ZCCHC17: variants seen among roughly 807,000 people sequenced by gnomAD.
The protein encoded by ZCCHC17 is zinc finger CCHC-type containing 17.
ZCCHC17 carries 18 observed loss-of-function variants against 30.6 expected under a neutral mutation model. The ratio of observed to expected loss-of-function variants is 0.59; its 90% confidence interval spans 0.41 to 0.87. The LOEUF (loss-of-function observed/expected upper bound fraction) is 0.87, where lower values mean the gene tolerates loss of function less well. ZCCHC17 is among the 40% of genes least tolerant of loss of function. The pLI is 0.00. For synonymous variants in ZCCHC17, 88 were observed against 92.4 expected (o/e 0.95, Z 0.27); for missense variants, 263 against 284.2 (o/e 0.93, Z 0.54).
At chr1:31,355,519 G>A (rs1041096604) in intron 7 of ZCCHC17, among the ~76,000 whole-genome samples, 4 of 152,080 alleles carry the variant, frequency 2.6e-5, no homozygotes, top group East Asian at 1.9e-4. Flanking sequence ...AGAAATTGAC[G>A]TAACTCACCG....
chr1:31,335,129 G>A (rs1303825950), intron 3 of ZCCHC17, among the ~76,000 whole-genome samples: 2 of 152,130 alleles, frequency 1.3e-5, no homozygotes, highest in African/African-American at 2.4e-5. Flanking sequence ...TTCAGCCTTT[G>A]CTGTATTGGG....
intron 2 of ZCCHC17, chr1:31,318,224 G>C: frequency 6.5e-7 from 1 of 1,534,584 alleles, no homozygotes; most frequent in Non-Finnish European, 8.7e-7. Context: ...ACACTGAAAA[G>C]AATAAAGTTT....
At chr1:31,363,753 C>G (rs1299204690) in intron 7 of ZCCHC17, among the ~76,000 whole-genome samples, 2 of 152,184 alleles carry the variant, frequency 1.3e-5, no homozygotes, top group Non-Finnish European at 2.9e-5. Context: ...CTGCACTGCA[C>G]TCTAGCCTGG....
intron 6 of ZCCHC17, among the ~76,000 whole-genome samples, chr1:31,348,232 G>A (rs564267350): frequency 1.3e-5 from 2 of 152,310 alleles, no homozygotes; most frequent in South Asian, 4.1e-4. Flanking sequence ...CTGTCTATAT[G>A]ACCTTGAGCT....
At chr1:31,342,185 C>T (rs1224346435) in intron 5 of ZCCHC17, among the ~76,000 whole-genome samples, 1 of 152,058 alleles carries the variant, frequency 6.6e-6, no homozygotes, top group Admixed American at 6.6e-5. Context: ...GCTGGGATTA[C>T]AGGCATAGTC....
At chr1:31,315,575 GT>G (rs1646713750) in intron 2 of ZCCHC17, among the ~76,000 whole-genome samples, 1 of 151,884 alleles carries the variant, frequency 6.6e-6, no homozygotes, top group Admixed American at 6.6e-5. Flanking sequence ...TGGACTAGAA[GT>G]AAAAAAAAAG....
intron 2 of ZCCHC17, among the ~76,000 whole-genome samples, chr1:31,312,877 A>C (rs1646638724): frequency 6.6e-6 from 1 of 151,484 alleles, no homozygotes; most frequent in Non-Finnish European, 1.5e-5. Context: ...GGTTCAAGCA[A>C]TTCTCCTGCC....
In ZCCHC17 at chr1:31,348,949, G is replaced by A. The variant is rs755821797; in HGVS notation, c.539G>A (p.Arg180Lys). The A allele has an allele frequency of 6.3e-7, 1 of 1,583,474 alleles. No individual in the cohort carries two copies. Among genetic ancestry groups the A allele is most frequent in the South Asian group, 1.2e-5 (1 of 86,068 alleles). The change falls in exon 7 of 8, where the codon AGG (arginine) becomes AAG (lysine). Residue 180 changes from arginine (R) to lysine (K), a missense_variant. By Grantham distance (26) the Arg-to-Lys change is conservative. Transcript: ENST00000344147. ...GAGTTTGAGAAGCCTGACCCTACAA[G>A]GAATCCTTCTAGAAAAAGAAAGAAG... ...SAEFEKPDPTRNPSRKRKKEK... is the reference protein window; with the variant it reads ...SAEFEKPDPTKNPSRKRKKEK...
At chr1:31,308,723 T>C (rs1252852654) in intron 1 of ZCCHC17, among the ~76,000 whole-genome samples, 1 of 152,234 alleles carries the variant, frequency 6.6e-6, no homozygotes, top group Non-Finnish European at 1.5e-5. Flanking sequence ...CTAAGGTAAG[T>C]ATCCAAAGCT....
At chr1:31,362,367 A>C (rs540306844) in intron 7 of ZCCHC17, among the ~76,000 whole-genome samples, 1 of 152,112 alleles carries the variant, frequency 6.6e-6, no homozygotes, top group South Asian at 2.1e-4. Flanking sequence ...TTCTCCTCCC[A>C]TACTTTCTCC....
intron 5 of ZCCHC17, among the ~76,000 whole-genome samples, chr1:31,344,183 G>C (rs371064242): frequency 6.6e-6 from 1 of 151,532 alleles, no homozygotes; most frequent in Non-Finnish European, 1.5e-5. Context: ...TAGAGATGAC[G>C]TCTTGCTGTG....
At chr1:31,316,598 A>C (rs1394113128) in intron 2 of ZCCHC17, among the ~76,000 whole-genome samples, 1 of 152,220 alleles carries the variant, frequency 6.6e-6, no homozygotes, top group African/African-American at 2.4e-5. Context: ...CTCTTTTACA[A>C]AGAACAAATT....
chr1:31,346,720 G>C lies in ZCCHC17; in HGVS notation c.398G>C (p.Cys133Ser), dbSNP rs746733514. 5.0e-6 allele frequency: 8 copies of C among 1,614,150 alleles called. No homozygotes were observed. Among genetic ancestry groups the C allele is most frequent in the South Asian group, 4.4e-5 (4 of 91,080 alleles). The change falls in exon 6 of 8, where the codon TGC becomes TCC. Residue 133 changes from cysteine to serine, a missense_variant. Coordinates refer to ENST00000344147, the MANE Select transcript of ZCCHC17 (RefSeq NM_016505.4). ...CTTGAGGCTGTCTTGAACACTACCT[G>C]CAAGAAGTGTGGCTGTAAAGGTAGG... ...ITLEAVLNTT[C>S]KKCGCKGHFA...
chr1:31,341,129 C>T (rs1639032691), intron 5 of ZCCHC17, among the ~76,000 whole-genome samples: 1 of 152,182 alleles, frequency 6.6e-6, no homozygotes, highest in Admixed American at 6.5e-5. Context: ...CCCTTTTCAC[C>T]ACAAAATGCT....
intron 7 of ZCCHC17, among the ~76,000 whole-genome samples, chr1:31,357,002 A>T (rs1557460762): frequency 6.6e-6 from 1 of 152,202 alleles, no homozygotes; most frequent in African/African-American, 2.4e-5. Flanking sequence ...CATTAATCAT[A>T]TGCCATCGTA....
At chr1:31,362,869 TAGAC>T (rs774296768) in intron 7 of ZCCHC17, among the ~76,000 whole-genome samples, 2 of 152,202 alleles carry the variant, frequency 1.3e-5, no homozygotes, top group African/African-American at 4.8e-5. Flanking sequence ...AAAATCAAAT[TAGAC>T]AGAAGTATTT....
intron 7 of ZCCHC17, among the ~76,000 whole-genome samples, chr1:31,357,759 CTTT>C (rs34448655): frequency 2.1e-5 from 3 of 143,808 alleles, no homozygotes. Flanking sequence ...CCAGGCCTTT[CTTT>C]TTTTTTTTTT....
chr1:31,345,083 A>G (rs1221957728), intron 5 of ZCCHC17, among the ~76,000 whole-genome samples: 3 of 148,300 alleles, frequency 2.0e-5, no homozygotes, highest in Non-Finnish European at 4.4e-5. Context: ...AATTGTGATT[A>G]CCCTTGGGGG....
In ZCCHC17 at chr1:31,362,746, C is replaced by T. The variant is rs59028483; in HGVS notation, c.565-1286C>T. On this transcript the variant is annotated intron_variant, in intron 7 of 7. Coordinates refer to ENST00000344147, the MANE Select transcript of ZCCHC17 (RefSeq NM_016505.4). ...TAAATCTTTTACTCCTATTCTTTGA[C>T]CTTGGATATGTGAGTCACTGTTTCT... 5.8e-3 allele frequency among the ~76,000 whole-genome samples: 879 copies of T among 152,230 alleles called. 69 individuals carry two copies. In the East Asian group the frequency reaches 0.14, roughly 25 times the overall value.
Sources: gnomAD v4.1 joint callset for allele counts (sites outside exome capture counted in the v4.1 genomes callset) on GRCh38, gnomAD v4.1.1 for gene constraint, MANE v1.5 for transcripts, NCBI Gene and HGNC (gene_info 2026-07-23, HGNC 2026-07-21) for gene names.